Variants in FBLN7 observed in about 807,000 individuals in gnomAD.
FBLN7 encodes the protein fibulin-7.
FBLN7 carries 31 observed loss-of-function variants against 44.0 expected under a neutral mutation model. The observed-to-expected ratio is 0.70, with a 90% CI of 0.53 to 0.95. FBLN7 has a LOEUF of 0.95. Ranked by LOEUF, FBLN7 falls within the 40% of genes least tolerant of loss-of-function variation. The pLI, the probability that FBLN7 is intolerant of heterozygous loss-of-function variation, is 0.00. For synonymous variants in FBLN7, 262 were observed against 253.4 expected, an observed-to-expected ratio of 1.03 and a Z score of -0.32; for missense variants, 573 against 618.5, an observed-to-expected ratio of 0.93 and a Z score of 0.78.
chr2:112,153,503 G>A (rs528422072), intron 1 of FBLN7, among the ~76,000 whole-genome samples: 1 of 152,276 alleles, frequency 6.6e-6, no homozygotes, highest in African/African-American at 2.4e-5. Context: ...CAGGTTACAG[G>A]AGAACAGAAG....
At chr2:112,236,637 T>C in the FBLN7 span, 1 of 1,613,914 alleles carries the variant, frequency 6.2e-7, no homozygotes, top group African/African-American at 1.3e-5. Context: ...TTCGCTTCAT[T>C]TTCTTCTGTT....
chr2:112,236,700 A>T, the FBLN7 span: 6 of 1,599,158 alleles, frequency 3.8e-6, no homozygotes, highest in Admixed American at 1.8e-5. Context: ...TAGCAGCTAA[A>T]AACAAAAAAT....
At chr2:112,162,389 G>A (rs1337456135) in intron 2 of FBLN7, among the ~76,000 whole-genome samples, 1 of 150,838 alleles carries the variant, frequency 6.6e-6, no homozygotes, top group East Asian at 1.9e-4. Flanking sequence ...AGAATTCTTG[G>A]TCTTCCTCTC....
chr2:112,179,647 G>A (rs555073892), intron 4 of FBLN7, among the ~76,000 whole-genome samples: 16 of 152,258 alleles, frequency 1.1e-4, no homozygotes, highest in African/African-American at 3.6e-4. Context: ...AAACAGGCAC[G>A]TAGACCAATG....
chr2:112,160,760 G>A (rs975359991), intron 2 of FBLN7, among the ~76,000 whole-genome samples: 21 of 76,630 alleles, frequency 2.7e-4, no homozygotes, highest in Admixed American at 6.6e-4. Context: ...ACGCACACAC[G>A]CACGCACACG....
At chr2:112,145,526 A>G (rs928876512) in intron 1 of FBLN7, among the ~76,000 whole-genome samples, 2 of 152,212 alleles carry the variant, frequency 1.3e-5, no homozygotes, top group African/African-American at 4.8e-5. Flanking sequence ...GTAGCTTAAC[A>G]ATGACTTTTG....
intron 3 of FBLN7, among the ~76,000 whole-genome samples, chr2:112,165,776 G>A (rs1376834351): frequency 6.6e-6 from 1 of 152,176 alleles, no homozygotes; most frequent in African/African-American, 2.4e-5. Flanking sequence ...ACTGTGTCGG[G>A]GAGGCATGAG....
At chr2:112,146,581 T>C (rs1474202197) in intron 1 of FBLN7, among the ~76,000 whole-genome samples, 5 of 151,868 alleles carry the variant, frequency 3.3e-5, no homozygotes, top group African/African-American at 4.8e-5. Flanking sequence ...TTTTTTTTTT[T>C]TTTTTAAATT....
intron 1 of FBLN7, among the ~76,000 whole-genome samples, chr2:112,149,633 A>T (rs1220808544): frequency 6.6e-6 from 1 of 151,860 alleles, no homozygotes; most frequent in Non-Finnish European, 1.5e-5. Context: ...TCCAGAGAAG[A>T]CTCCCAGGGT....
intron 2 of FBLN7, 26 bp from the exon 3 acceptor site, chr2:112,164,975 C>T (rs754727218): frequency 2.1e-5 from 33 of 1,609,440 alleles, no homozygotes; most frequent in Non-Finnish European, 2.5e-5. Flanking sequence ...ATGAGGAGCT[C>T]GTAATCCTTC....
intron 1 of FBLN7, among the ~76,000 whole-genome samples, chr2:112,148,648 A>G (rs1296766319): frequency 6.6e-6 from 1 of 152,228 alleles, no homozygotes; most frequent in African/African-American, 2.4e-5. Context: ...GTCTGTAGTC[A>G]GCTGCCAAGC....
chr2:112,182,333 A>G (rs1008396289), intron 5 of FBLN7, among the ~76,000 whole-genome samples: 1 of 152,102 alleles, frequency 6.6e-6, no homozygotes, highest in African/African-American at 2.4e-5. Context: ...TCTCTCCCCA[A>G]ACAACGCAAA....
chr2:112,210,578 C>T, the FBLN7 span, among the ~76,000 whole-genome samples: 8 of 141,808 alleles, frequency 5.6e-5, no homozygotes, highest in South Asian at 1.8e-3. Context: ...ACTGCTTGAA[C>T]CCAGGAGGAA....
Position 112,168,577 on chromosome 2 carries a change from G to A in FBLN7, c.406+3406G>A, listed in dbSNP as rs536205720. Among the ~76,000 whole-genome samples, 7 of 152,288 alleles carry A rather than the reference G, an allele frequency of 4.6e-5. No individual in the cohort carries two copies. In the South Asian group the frequency reaches 1.2e-3, roughly 27 times the overall value. On this transcript the variant is annotated intron_variant, in intron 3 of 7. Coordinates refer to ENST00000331203, the MANE Select transcript of FBLN7 (RefSeq NM_153214.3). Reference sequence around the variant, plus strand: ...TTGTCTCCAGCAAGAGCCTCAAAGCGGTGTCAGCCAAACTTGCCAGGAGGG... The same window carrying A: ...TTGTCTCCAGCAAGAGCCTCAAAGCAGTGTCAGCCAAACTTGCCAGGAGGG...
At chr2:112,165,313 C>A in intron 3 of FBLN7, 142 bp downstream of exon 3, 1 of 1,035,880 alleles carries the variant, frequency 9.7e-7, no homozygotes, top group Non-Finnish European at 1.4e-6. Context: ...AGCCAATGTG[C>A]CTGATCACTC....
At chr2:112,209,598 T>A in the FBLN7 span, among the ~76,000 whole-genome samples, 1 of 152,112 alleles carries the variant, frequency 6.6e-6, no homozygotes, top group Non-Finnish European at 1.5e-5. Context: ...CATGACTACA[T>A]TGAGAATGTC....
the FBLN7 span, among the ~76,000 whole-genome samples, chr2:112,207,699 T>C: frequency 6.6e-6 from 1 of 152,186 alleles, no homozygotes; most frequent in African/African-American, 2.4e-5. Flanking sequence ...ATTCACTGTT[T>C]TTAGAATGTA....
Position 112,185,144 on chromosome 2 carries a change from T to A in FBLN7, c.809-57T>A, listed in dbSNP as rs1458223162. 14 of 1,579,368 alleles carry A rather than the reference T, an allele frequency of 8.9e-6. No individual in the cohort carries two copies. In the East Asian group the frequency reaches 3.2e-4, roughly 36 times the overall value. ...CTGCAGGGCCTCTCATGTGGTTCTGTCTGCAATGGAGGGAAGGTCAGGGCG... is the reference window on the plus strand; with the variant it reads ...CTGCAGGGCCTCTCATGTGGTTCTGACTGCAATGGAGGGAAGGTCAGGGCG... On this transcript the variant is annotated intron_variant, in intron 6 of 7. Coordinates refer to ENST00000331203, the MANE Select transcript of FBLN7 (RefSeq NM_153214.3).
chr2:112,238,294 A>T, the FBLN7 span: 1 of 1,606,632 alleles, frequency 6.2e-7, no homozygotes, highest in South Asian at 1.1e-5. Context: ...ACTTTAAATG[A>T]TAAAATAGTT....
Sources: allele counts gnomAD v4.1 joint callset (sites outside exome capture counted in the v4.1 genomes callset), GRCh38; gene constraint gnomAD v4.1.1; transcripts MANE v1.5; gene names NCBI Gene and HGNC (gene_info 2026-07-23, HGNC 2026-07-21).